CNTNAP2: variants seen among roughly 807,000 people sequenced by gnomAD.
The protein encoded by CNTNAP2 is contactin associated protein 2.
Under a neutral mutation model 155.2 loss-of-function variants are expected in CNTNAP2, and 98 were observed. That is an observed-to-expected ratio of 0.63 (90% CI 0.54 to 0.75). CNTNAP2 has a LOEUF of 0.75. Ranked by LOEUF, CNTNAP2 falls within the 30% of genes least tolerant of loss-of-function variation. CNTNAP2 has a pLI of 0.00. For missense variants in CNTNAP2, 1,727 were observed against 1,688.1 expected (o/e 1.02, Z -0.40); for synonymous variants, 651 against 631.2 (o/e 1.03, Z -0.47).
intron 1 of CNTNAP2, among the ~76,000 whole-genome samples, chr7:146,548,345 A>G (rs928059789): frequency 6.6e-6 from 1 of 151,906 alleles, no homozygotes; most frequent in Non-Finnish European, 1.5e-5. Context: ...TGTGTACCAC[A>G]TTTTCTTTAT....
chr7:147,290,965 C>A (rs907448441), intron 8 of CNTNAP2, among the ~76,000 whole-genome samples: 3 of 152,098 alleles, frequency 2.0e-5, no homozygotes, highest in African/African-American at 4.8e-5. Context: ...ATGCGCAGAT[C>A]TTAAAAGTAC....
At chr7:146,902,096 G>A (rs927460929) in intron 3 of CNTNAP2, among the ~76,000 whole-genome samples, 2 of 151,852 alleles carry the variant, frequency 1.3e-5, no homozygotes, top group Non-Finnish European at 2.9e-5. Context: ...GTGTTAGCCA[G>A]GATGGTGTCG....
rs140539063 is a variant in CNTNAP2 at position 148,246,815 on chromosome 7, T to C, written c.3381+17036T>C. Among the ~76,000 whole-genome samples the C allele has an allele frequency of 6.9e-4, 105 of 152,346 alleles. 1 individual carries two copies. Among genetic ancestry groups the C allele is most frequent in the Admixed American group, 6.3e-3 (96 of 15,298 alleles). ...GTGGTAGAAAGTGCAGTTTCATTTA[T>C]TTAAAAATAAACACAAGATTAGGCT... On this transcript the variant is annotated intron_variant, in intron 20 of 23. Coordinates refer to ENST00000361727, the MANE Select transcript of CNTNAP2 (RefSeq NM_014141.6).
chr7:148,374,995 C>T (rs1798957469), intron 21 of CNTNAP2, among the ~76,000 whole-genome samples: 1 of 152,140 alleles, frequency 6.6e-6, no homozygotes, highest in Non-Finnish European at 1.5e-5. Context: ...AAAATCATGC[C>T]ATGTGACAGG....
intron 2 of CNTNAP2, among the ~76,000 whole-genome samples, chr7:146,808,113 G>A (rs1384448159): frequency 2.6e-5 from 4 of 152,144 alleles, no homozygotes; most frequent in African/African-American, 9.7e-5. Context: ...TGAGCGGCCT[G>A]TCTTAAGTTT....
At chr7:147,147,739 C>T (rs903384230) in intron 8 of CNTNAP2, among the ~76,000 whole-genome samples, 6 of 152,142 alleles carry the variant, frequency 3.9e-5, no homozygotes, top group African/African-American at 1.4e-4. Flanking sequence ...ATGCTACTGC[C>T]TTTCTATAGT....
chr7:147,241,505 G>A (rs553523771), intron 8 of CNTNAP2, among the ~76,000 whole-genome samples: 8 of 152,024 alleles, frequency 5.3e-5, no homozygotes, highest in Admixed American at 5.2e-4. Context: ...GCATGCGCCT[G>A]TAATCCCAGC....
chr7:146,971,479 T>C (rs551012908), intron 3 of CNTNAP2, among the ~76,000 whole-genome samples: 2 of 152,310 alleles, frequency 1.3e-5, no homozygotes, highest in African/African-American at 4.8e-5. Context: ...CTAAGTCTAT[T>C]TGGGCTCGTA....
chr7:148,398,264 TAAG>T (rs1209441929), intron 22 of CNTNAP2, among the ~76,000 whole-genome samples: 2 of 152,158 alleles, frequency 1.3e-5, no homozygotes, highest in African/African-American at 4.8e-5. Flanking sequence ...TCTGAAAACT[TAAG>T]AATAAAAAGG....
chr7:148,137,111 T>G (rs1316580867), intron 16 of CNTNAP2, among the ~76,000 whole-genome samples: 1 of 152,194 alleles, frequency 6.6e-6, no homozygotes, highest in African/African-American at 2.4e-5. Flanking sequence ...CTACTAACTC[T>G]TCTACAACTT....
chr7:146,221,483 A>T (rs1402985690), intron 1 of CNTNAP2, among the ~76,000 whole-genome samples: 1 of 152,164 alleles, frequency 6.6e-6, no homozygotes, highest in African/African-American at 2.4e-5. Context: ...CCTTGTCTTA[A>T]ACCAATCTGG....
At chr7:146,325,298 CAT>C (rs1479939018) in intron 1 of CNTNAP2, among the ~76,000 whole-genome samples, 6 of 151,956 alleles carry the variant, frequency 3.9e-5, no homozygotes, top group African/African-American at 9.7e-5. Flanking sequence ...AAAATTATAA[CAT>C]AAGTTTCTTA....
At chr7:146,282,854 C>T (rs899484609) in intron 1 of CNTNAP2, among the ~76,000 whole-genome samples, 6 of 152,272 alleles carry the variant, frequency 3.9e-5, no homozygotes, top group African/African-American at 1.4e-4. Flanking sequence ...CTACACATTG[C>T]TGAAGTTAGG....
intron 8 of CNTNAP2, among the ~76,000 whole-genome samples, chr7:147,166,566 G>A (rs985057239): frequency 3.9e-5 from 6 of 152,118 alleles, no homozygotes; most frequent in Admixed American, 2.0e-4. Flanking sequence ...TTTCTTGTGC[G>A]TCCGTGTGAA....
At chr7:147,511,283 C>T (rs1799015818) in intron 11 of CNTNAP2, among the ~76,000 whole-genome samples, 1 of 152,056 alleles carries the variant, frequency 6.6e-6, no homozygotes, top group Non-Finnish European at 1.5e-5. Context: ...TTGAGCCCCT[C>T]TAGCACTTTT....
At chr7:147,271,512 C>T (rs1005411462) in intron 8 of CNTNAP2, among the ~76,000 whole-genome samples, 6 of 152,126 alleles carry the variant, frequency 3.9e-5, no homozygotes, top group Non-Finnish European at 8.8e-5. Context: ...TCTGTTTTCA[C>T]ACTGCTGGTA....
rs6965373 is a variant in CNTNAP2 at position 148,136,571 on chromosome 7, C to G, written c.2555-10920C>G. ...CCTCTTTTCTTTATAAATTACCCAG[C>G]CCTAAGTATTTCTTTATAGCAAGGC... On this transcript the variant is annotated intron_variant, in intron 16 of 23. Coordinates refer to ENST00000361727, the MANE Select transcript of CNTNAP2 (RefSeq NM_014141.6). Among the ~76,000 whole-genome samples the G allele has an allele frequency of 4.2e-3, 647 of 152,268 alleles. 1 individual carries two copies. Among genetic ancestry groups the G allele is most frequent in the African/African-American group, 0.014 (588 of 41,546 alleles).
chr7:147,740,944 G>A (rs1338751381), intron 13 of CNTNAP2, among the ~76,000 whole-genome samples: 1 of 152,132 alleles, frequency 6.6e-6, no homozygotes, highest in Non-Finnish European at 1.5e-5. Context: ...GAGTGTCAGA[G>A]TTTTCCCAAC....
chr7:148,053,989 T>C (rs1339722186), intron 15 of CNTNAP2, among the ~76,000 whole-genome samples: 5 of 150,396 alleles, frequency 3.3e-5, no homozygotes, highest in African/African-American at 9.8e-5. Flanking sequence ...TTTTTTTTTT[T>C]CAAGACAGAG....
Sources: gnomAD v4.1 joint callset for allele counts (sites outside exome capture counted in the v4.1 genomes callset) on GRCh38, gnomAD v4.1.1 for gene constraint, MANE v1.5 for transcripts, NCBI Gene and HGNC (gene_info 2026-07-23, HGNC 2026-07-21) for gene names.